The following FILIP1L variants were observed in gnomAD, a reference collection of about 807,000 sequenced individuals.
FILIP1L encodes filamin A-interacting protein 1-like.
Under a neutral mutation model 96.6 loss-of-function variants are expected in FILIP1L, and 55 were observed. That is an observed-to-expected ratio of 0.57 (90% CI 0.46 to 0.71). The LOEUF (loss-of-function observed/expected upper bound fraction) is 0.71, where lower values mean the gene tolerates loss of function less well. FILIP1L is among the 30% of genes least tolerant of loss of function. The pLI, the probability that FILIP1L is intolerant of heterozygous loss-of-function variation, is 0.00. For synonymous variants in FILIP1L, 467 were observed against 473.9 expected (o/e 0.99, Z 0.19); for missense variants, 1,304 against 1,321.2 (o/e 0.99, Z 0.20).
At chr3:99,832,430 C>T (rs1224380349) in intron 5 of FILIP1L, among the ~76,000 whole-genome samples, 3 of 149,556 alleles carry the variant, frequency 2.0e-5, no homozygotes, top group African/African-American at 7.3e-5. Context: ...CGGGGTTTCA[C>T]TGTGTTAGCC....
chr3:100,049,441 T>C (rs1386409417), intron 1 of FILIP1L, among the ~76,000 whole-genome samples: 1 of 152,032 alleles, frequency 6.6e-6, no homozygotes, highest in Non-Finnish European at 1.5e-5. Context: ...GGCACTAGAG[T>C]GTCATATTTT....
chr3:100,103,576 A>G (rs1206430012), intron 1 of FILIP1L, among the ~76,000 whole-genome samples: 1 of 152,200 alleles, frequency 6.6e-6, no homozygotes, highest in Non-Finnish European at 1.5e-5. Flanking sequence ...AACAACAACC[A>G]TTCTTCATGT....
chr3:100,096,034 T>C (rs774081116), intron 1 of FILIP1L, among the ~76,000 whole-genome samples: 3 of 152,134 alleles, frequency 2.0e-5, no homozygotes, highest in Non-Finnish European at 2.9e-5. Context: ...CTCAAAATCA[T>C]TGATCATCAG....
intron 4 of FILIP1L, among the ~76,000 whole-genome samples, chr3:99,917,495 G>A (rs948827691): frequency 6.6e-6 from 1 of 152,164 alleles, no homozygotes; most frequent in East Asian, 1.9e-4. Flanking sequence ...TTAGCTGGAA[G>A]ATTTGGTGAC....
intron 1 of FILIP1L, among the ~76,000 whole-genome samples, chr3:100,076,993 C>G (rs2065860104): frequency 6.6e-6 from 1 of 152,194 alleles, no homozygotes; most frequent in Non-Finnish European, 1.5e-5. Flanking sequence ...CATAAGAAAT[C>G]AAAACTCTCA....
At chr3:99,862,646 C>T (rs1012484681) in intron 4 of FILIP1L, among the ~76,000 whole-genome samples, 53 of 152,224 alleles carry the variant, frequency 3.5e-4, no homozygotes, top group African/African-American at 1.2e-3. Context: ...CAGACAACTA[C>T]TGAATGTCTC....
At position 99,892,754 on chromosome 3, in the gene FILIP1L, G is replaced by C. The variant is rs1335222313; in HGVS notation, c.605+31476C>G. Among the ~76,000 whole-genome samples the C allele has an allele frequency of 4.6e-5, 7 of 152,134 alleles. No homozygotes were observed. The East Asian group carries it at 1.3e-3, about 29-fold the overall frequency. On this transcript the variant is annotated intron_variant, in intron 4 of 5. Coordinates refer to ENST00000477258, the MANE Select transcript of FILIP1L (RefSeq NM_001387850.1). ...CCCACCCTCAAAGGCTTGCCCTTAT[G>C]CCTTATTGTCTGGAACTGCCAAAGG...
At chr3:100,010,666 G>A (rs1710121048) in intron 1 of FILIP1L, among the ~76,000 whole-genome samples, 2 of 150,814 alleles carry the variant, frequency 1.3e-5, no homozygotes, top group African/African-American at 4.9e-5. Context: ...CCAGGCTGGA[G>A]TGCAGTGGCT....
intron 1 of FILIP1L, among the ~76,000 whole-genome samples, chr3:99,973,146 G>A (rs1352988146): frequency 1.3e-5 from 2 of 152,202 alleles, no homozygotes; most frequent in African/African-American, 4.8e-5. Flanking sequence ...CCAAGGTTTA[G>A]ATTTTATGAT....
rs1414128130 is a variant in FILIP1L, at chr3:100,114,140, C to T, written c.-98G>A. 6.6e-6 allele frequency: 1 copy of T among 152,202 alleles called. No individual in the cohort carries two copies. Among genetic ancestry groups the T allele is most frequent in the Non-Finnish European group, 1.5e-5 (1 of 68,098 alleles). 9.4% of individuals were successfully genotyped at this position (152,202 alleles called of 1,614,324 possible). ...ATCCAACAGTGGAATCCAGGACCAA[C>T]AACAACGTTTTCTTCTTCTCTTTTT... On this transcript the variant is annotated 5_prime_UTR_variant, in exon 1 of 6. Coordinates refer to ENST00000477258, the MANE Select transcript of FILIP1L (RefSeq NM_001387850.1).
intron 4 of FILIP1L, among the ~76,000 whole-genome samples, chr3:99,881,606 C>T (rs1307617001): frequency 2.0e-5 from 3 of 151,760 alleles, no homozygotes; most frequent in African/African-American, 7.3e-5. Flanking sequence ...AAGCTCGGCT[C>T]ACTGCAACCT....
At chr3:100,083,112 T>A (rs2065956640) in intron 1 of FILIP1L, among the ~76,000 whole-genome samples, 1 of 152,208 alleles carries the variant, frequency 6.6e-6, no homozygotes, top group Admixed American at 6.5e-5. Context: ...TTTTATTGTT[T>A]AGGGTCAGAC....
intron 1 of FILIP1L, among the ~76,000 whole-genome samples, chr3:100,015,241 C>T (rs1026708284): frequency 6.6e-6 from 1 of 151,796 alleles, no homozygotes; most frequent in African/African-American, 2.4e-5. Flanking sequence ...TGTTATGTTC[C>T]CTTGGATTAT....
At chr3:99,931,413 G>A (rs781097257) in intron 1 of FILIP1L, among the ~76,000 whole-genome samples, 4 of 152,136 alleles carry the variant, frequency 2.6e-5, no homozygotes, top group Non-Finnish European at 5.9e-5. Context: ...TGGTGACTTT[G>A]CTAATTCTTC....
intron 5 of FILIP1L, among the ~76,000 whole-genome samples, chr3:99,836,182 C>T (rs925800021): frequency 6.6e-6 from 1 of 152,112 alleles, no homozygotes; most frequent in Admixed American, 6.6e-5. Flanking sequence ...AACTATCTTA[C>T]AGTACCATCT....
At chr3:99,899,370 A>G (rs1047687687) in intron 4 of FILIP1L, among the ~76,000 whole-genome samples, 1 of 152,134 alleles carries the variant, frequency 6.6e-6, no homozygotes, top group Non-Finnish European at 1.5e-5. Context: ...CTTAATGAGC[A>G]TAACTAATGC....
chr3:100,055,387 G>A (rs573899313), intron 1 of FILIP1L, among the ~76,000 whole-genome samples: 4 of 152,178 alleles, frequency 2.6e-5, no homozygotes, highest in South Asian at 2.1e-4. Context: ...TATGATCCAC[G>A]TGGCCATATG....
intron 1 of FILIP1L, among the ~76,000 whole-genome samples, chr3:100,013,995 C>T (rs567178450): frequency 6.6e-6 from 1 of 152,166 alleles, no homozygotes; most frequent in African/African-American, 2.4e-5. Flanking sequence ...CCCCTTGCTC[C>T]TGGCAACTGC....
intron 4 of FILIP1L, among the ~76,000 whole-genome samples, chr3:99,877,282 G>A (rs1375320319): frequency 6.6e-5 from 10 of 152,158 alleles, no homozygotes; most frequent in Admixed American, 6.5e-4. Context: ...CTATTATGAT[G>A]TACATATGTC....
Sources: gnomAD v4.1 joint callset for allele counts (sites outside exome capture counted in the v4.1 genomes callset) on GRCh38, gnomAD v4.1.1 for gene constraint, MANE v1.5 for transcripts, NCBI Gene and HGNC (gene_info 2026-07-23, HGNC 2026-07-21) for gene names.